Variants in CLNK observed in about 807,000 individuals in gnomAD.
The protein encoded by CLNK is cytokine-dependent hematopoietic cell linker.
In CLNK, 74 loss-of-function variants were observed where a neutral mutation model predicts 68.6. That is an observed-to-expected ratio of 1.08 (90% CI 0.89 to 1.31). The LOEUF (loss-of-function observed/expected upper bound fraction) is 1.31. Ranked by LOEUF, CLNK falls within the 50% of genes most tolerant of loss-of-function variation. The probability of loss-of-function intolerance (pLI) is 0.00; values close to 1 mark genes in which losing one functional copy is unlikely to be tolerated. For missense variants in CLNK, 553 were observed against 515.3 expected, an observed-to-expected ratio of 1.07 and a Z score of -0.71; for synonymous variants, 198 against 172.2, an observed-to-expected ratio of 1.15 and a Z score of -1.17.
At chr4:10,519,049 C>T (rs1216236516) in intron 15 of CLNK, among the ~76,000 whole-genome samples, 7 of 152,110 alleles carry the variant, frequency 4.6e-5, no homozygotes, top group Admixed American at 3.9e-4. Flanking sequence ...GGGGCCCAGC[C>T]CAATTTTTGG....
At chr4:10,551,842 A>G (rs962181679) in intron 8 of CLNK, among the ~76,000 whole-genome samples, 2 of 148,158 alleles carry the variant, frequency 1.3e-5, no homozygotes, top group African/African-American at 5.0e-5. Flanking sequence ...CAGTGAGAGA[A>G]TTGTAATTTT....
At chr4:10,616,790 G>GTGTGTGTATATA (rs1369047138) in intron 2 of CLNK, among the ~76,000 whole-genome samples, 15 of 64,348 alleles carry the variant, frequency 2.3e-4, no homozygotes, top group African/African-American at 5.9e-4. Context: ...GTGTGTGTGT[G>GTGTGTGTATATA]TATATATATA....
rs111363124 is a variant in CLNK at position 10,573,539 on chromosome 4, T to C, written c.113-1761A>G. On this transcript the variant is annotated intron_variant, in intron 4 of 18. Transcript: ENST00000226951. ...TAGAGCAGCAATTTGTACTCTCTCA[T>C]GAATCGAGTTAAATTAATAAGGTCA... Among the ~76,000 whole-genome samples the C allele has an allele frequency of 1.6e-3, 244 of 152,252 alleles. 1 individual carries two copies. The highest frequency in any genetic ancestry group is 6.8e-3 in the Middle Eastern group (2 of 294).
the CLNK span, among the ~76,000 whole-genome samples, chr4:10,734,031 A>G: frequency 6.6e-6 from 1 of 152,184 alleles, no homozygotes; most frequent in Admixed American, 6.5e-5. Flanking sequence ...TTGGAGTGGA[A>G]TAGGAGAAGA....
the CLNK span, among the ~76,000 whole-genome samples, chr4:10,707,949 C>G: frequency 6.6e-6 from 1 of 152,104 alleles, no homozygotes; most frequent in Non-Finnish European, 1.5e-5. Flanking sequence ...AAATAGTCAC[C>G]TGGAGAGAGC....
chr4:10,706,730 G>A, the CLNK span, among the ~76,000 whole-genome samples: 2 of 152,134 alleles, frequency 1.3e-5, no homozygotes, highest in East Asian at 1.9e-4. Flanking sequence ...GTAAAGTGAA[G>A]CGTGGGCCAC....
chr4:10,631,924 T>C lies in CLNK; in HGVS notation c.12-33875A>G, dbSNP rs143567819. 7.9e-4 allele frequency among the ~76,000 whole-genome samples: 121 copies of C among 152,284 alleles called. 1 individual carries two copies. The highest frequency in any genetic ancestry group is 1.4e-3 in the Admixed American group (21 of 15,290). ...TATGTCTTTTTTTGAGGTCTGTCTT[T>C]TTATTTAAACACCTACCCCTGTTTC... is the stretch of plus-strand genomic sequence containing the variant. On this transcript the variant is annotated intron_variant, in intron 2 of 18. Transcript: ENST00000226951.
chr4:10,722,159 G>A, the CLNK span, among the ~76,000 whole-genome samples: 2 of 152,158 alleles, frequency 1.3e-5, no homozygotes, highest in Non-Finnish European at 2.9e-5. Context: ...GAGCGAGAGA[G>A]ACCCTGTCTC....
At chr4:10,665,662 CAAAAAAAAAAA>C (rs57998581) in intron 2 of CLNK, among the ~76,000 whole-genome samples, 1 of 62,890 alleles carries the variant, frequency 1.6e-5, no homozygotes, top group East Asian at 6.5e-4. Flanking sequence ...GACTTCGTCT[CAAAAAAAAAAA>C]AAAAAAAAAA....
intron 2 of CLNK, among the ~76,000 whole-genome samples, chr4:10,611,241 C>T (rs1233038062): frequency 1.3e-5 from 2 of 152,188 alleles, no homozygotes; most frequent in African/African-American, 4.8e-5. Context: ...TCGCTTGAAC[C>T]CAGGAGGCAG....
intron 2 of CLNK, among the ~76,000 whole-genome samples, chr4:10,606,570 C>T (rs1278590855): frequency 6.6e-6 from 1 of 152,034 alleles, no homozygotes; most frequent in Non-Finnish European, 1.5e-5. Context: ...ATGTGATATG[C>T]TTTTATATGC....
chr4:10,693,579 C>T, the CLNK span, among the ~76,000 whole-genome samples: 2 of 152,202 alleles, frequency 1.3e-5, no homozygotes, highest in South Asian at 4.1e-4. Flanking sequence ...CTGCCCACAC[C>T]TTGATTTAGG....
chr4:10,494,393 A>G (rs1337758561), intron 18 of CLNK, among the ~76,000 whole-genome samples: 1 of 152,064 alleles, frequency 6.6e-6, no homozygotes, highest in East Asian at 1.9e-4. Flanking sequence ...GACATTTCAT[A>G]TGAAATTGTA....
At position 10,500,672 on chromosome 4, in the gene CLNK, CAA is replaced by C. The variant is rs11370372; in HGVS notation, c.1140+582_1140+583del. 6.5e-3 allele frequency among the ~76,000 whole-genome samples: 925 copies of C among 141,236 alleles called. 9 individuals are homozygous for C. The highest frequency in any genetic ancestry group is 0.022 in the African/African-American group (868 of 38,940). The allele number at this position is 141,236 out of a possible 152,430, so 92.7% of individuals were successfully genotyped here. On this transcript the variant is annotated intron_variant, in intron 18 of 18. Coordinates refer to ENST00000226951, the MANE Select transcript of CLNK (RefSeq NM_052964.4). ...TGGGTGACAGAGTGCGTCTCTGTCTCAAAAAAAAAAAAAATGCAGATAGACTA... is the reference window on the plus strand; with the variant it reads ...TGGGTGACAGAGTGCGTCTCTGTCTCAAAAAAAAAAAATGCAGATAGACTA...
At chr4:10,599,703 A>C in intron 2 of CLNK, among the ~76,000 whole-genome samples, 1 of 151,070 alleles carries the variant, frequency 6.6e-6, no homozygotes, top group South Asian at 2.1e-4. Context: ...GAGTCTTCCC[A>C]CCCCTCCCCC....
chr4:10,631,168 G>T (rs541652665), intron 2 of CLNK, among the ~76,000 whole-genome samples: 3 of 152,164 alleles, frequency 2.0e-5, no homozygotes, highest in Non-Finnish European at 4.4e-5. Context: ...AATATGGTGA[G>T]GTCAGCCCCG....
At chr4:10,537,935 A>T (rs1718864432) in intron 11 of CLNK, among the ~76,000 whole-genome samples, 1 of 151,578 alleles carries the variant, frequency 6.6e-6, no homozygotes. Flanking sequence ...AAGAAAAGAA[A>T]ACTCAGAGAT....
At chr4:10,662,530 A>T (rs1209035159) in intron 2 of CLNK, among the ~76,000 whole-genome samples, 1 of 152,202 alleles carries the variant, frequency 6.6e-6, no homozygotes, top group African/African-American at 2.4e-5. Flanking sequence ...TAGCTACAAA[A>T]ACCTTTCAGT....
At chr4:10,500,572 C>G (rs1716997484) in intron 18 of CLNK, among the ~76,000 whole-genome samples, 1 of 151,680 alleles carries the variant, frequency 6.6e-6, no homozygotes, top group Non-Finnish European at 1.5e-5. Context: ...TCCCGCTACT[C>G]AGGAGGCTGA....
Sources: allele counts gnomAD v4.1 joint callset (sites outside exome capture counted in the v4.1 genomes callset), GRCh38; gene constraint gnomAD v4.1.1; transcripts MANE v1.5; gene names NCBI Gene and HGNC (gene_info 2026-07-23, HGNC 2026-07-21).